The following RBM33 variants were observed in gnomAD, a reference collection of about 807,000 sequenced individuals.
The protein encoded by RBM33 is RNA-binding protein 33.
In RBM33, 28 loss-of-function variants were observed where a neutral mutation model predicts 132.6. The ratio of observed to expected loss-of-function variants is 0.21; its 90% confidence interval spans 0.16 to 0.29. The LOEUF (loss-of-function observed/expected upper bound fraction) is 0.29, where lower values mean the gene tolerates loss of function less well. RBM33 is among the 10% of genes least tolerant of loss of function. RBM33 has a pLI of 1.00. For missense variants in RBM33, 1,291 were observed against 1,518.5 expected, an observed-to-expected ratio of 0.85 and a Z score of 2.49; for synonymous variants, 634 against 593.0, an observed-to-expected ratio of 1.07 and a Z score of -1.01.
chr7:155,737,907 GA>G (rs1169295359), intron 10 of RBM33, among the ~76,000 whole-genome samples, 152 bp from the exon 11 acceptor site: 2 of 152,116 alleles, frequency 1.3e-5, no homozygotes, highest in African/African-American at 2.4e-5. Flanking sequence ...AAGCAATCTA[GA>G]AATAAGAGGC....
intron 5 of RBM33, among the ~76,000 whole-genome samples, chr7:155,692,388 T>G (rs1019000689): frequency 6.6e-6 from 1 of 152,158 alleles, no homozygotes; most frequent in Admixed American, 6.5e-5. Context: ...TGCCTGTCCT[T>G]TGTTCCGGAA....
chr7:155,700,464 T>G (rs1322254141), intron 5 of RBM33, among the ~76,000 whole-genome samples: 1 of 151,962 alleles, frequency 6.6e-6, no homozygotes, highest in Non-Finnish European at 1.5e-5. Flanking sequence ...CAGCAGGAAT[T>G]TTTGGAATTT....
In RBM33 at chr7:155,701,063, G is replaced by A. The variant is rs1181783204; in HGVS notation, c.739+119G>A. ...GACTAGGTAATTGCGGCTGCCGTCCGGAGAGTGGCCGGACTTTGGAGTGAG... is the reference window on the plus strand; with the variant it reads ...GACTAGGTAATTGCGGCTGCCGTCCAGAGAGTGGCCGGACTTTGGAGTGAG... On this transcript the variant is annotated intron_variant, in intron 6 of 17. Coordinates refer to ENST00000401878, the MANE Select transcript of RBM33 (RefSeq NM_053043.3). The A allele has an allele frequency of 5.5e-5, 47 of 859,086 alleles. 1 individual carries two copies. The highest frequency in any genetic ancestry group is 7.9e-5 in the Non-Finnish European group (41 of 517,268). The allele number at this position is 859,086 out of a possible 1,614,324, so 53.2% of individuals were successfully genotyped here.
In RBM33 at chr7:155,777,650, A is replaced by C. The variant is rs1432962936; in HGVS notation, c.*2609A>C. 3.9e-5 allele frequency: 6 copies of C among 152,822 alleles called. No homozygotes were observed. In the East Asian group the frequency reaches 1.2e-3, roughly 29 times the overall value. 9.5% of individuals were successfully genotyped at this position (152,822 alleles called of 1,614,324 possible). ...AAAATGAGATGCAAGAGCATTTAGC[A>C]TACCATGTAAATATGGACCTTTTAA... On this transcript the variant is annotated 3_prime_UTR_variant, in exon 18 of 18. Coordinates refer to ENST00000401878, the MANE Select transcript of RBM33 (RefSeq NM_053043.3).
intron 14 of RBM33, among the ~76,000 whole-genome samples, chr7:155,753,947 G>A (rs929450277): frequency 8.5e-5 from 13 of 152,238 alleles, no homozygotes; most frequent in African/African-American, 3.1e-4. Context: ...GTACAGTCTA[G>A]CATCTTCCTT....
intron 14 of RBM33, among the ~76,000 whole-genome samples, chr7:155,757,369 A>T (rs1337378927): frequency 6.6e-6 from 1 of 152,194 alleles, no homozygotes; most frequent in East Asian, 1.9e-4. Flanking sequence ...TTAGAAAAAA[A>T]AATTCATTTT....
At chr7:155,665,050 A>G (rs1471890100) in intron 1 of RBM33, 125 bp from the exon 2 acceptor site, 19 of 681,812 alleles carry the variant, frequency 2.8e-5, no homozygotes, top group South Asian at 5.6e-5. Context: ...ATAGTTACAT[A>G]TGAAACTTTT....
intron 9 of RBM33, among the ~76,000 whole-genome samples, chr7:155,736,782 A>G (rs1801139595): frequency 6.6e-6 from 1 of 152,264 alleles, no homozygotes; most frequent in Non-Finnish European, 1.5e-5. Context: ...GAGCATCTTT[A>G]AAAAGATAAA....
Position 155,774,355 on chromosome 7 carries a change from G to T in RBM33, c.3376-204G>T, listed in dbSNP as rs915345036. ...AGATGTAACTGTTGCTGTTGGGAATGATTTAGTAAAGCACTGTTTTGGAGT... is the reference window on the plus strand; with the variant it reads ...AGATGTAACTGTTGCTGTTGGGAATTATTTAGTAAAGCACTGTTTTGGAGT... On this transcript the variant is annotated intron_variant, in intron 16 of 17. Coordinates refer to ENST00000401878, the MANE Select transcript of RBM33 (RefSeq NM_053043.3). This position sits in a 1 kb window ranked among gnomAD's most constrained non-coding sequence, Gnocchi z 4.2. Among the ~76,000 whole-genome samples, 1 of 152,214 alleles carries T rather than the reference G, an allele frequency of 6.6e-6. No homozygotes were observed. Among genetic ancestry groups the T allele is most frequent in the Non-Finnish European group, 1.5e-5 (1 of 68,038 alleles).
chr7:155,688,290 T>G (rs1469532034), intron 5 of RBM33, among the ~76,000 whole-genome samples: 1 of 152,188 alleles, frequency 6.6e-6, no homozygotes, highest in Non-Finnish European at 1.5e-5. Context: ...CTGTTATTGG[T>G]GTATAAGAAT....
intron 2 of RBM33, among the ~76,000 whole-genome samples, chr7:155,667,333 G>A (rs1798826684): frequency 6.6e-6 from 1 of 152,038 alleles, no homozygotes; most frequent in South Asian, 2.1e-4. Flanking sequence ...TAGCAAGCAG[G>A]AACTCCTGGG....
At chr7:155,740,144 T>TAC in intron 12 of RBM33, 118 bp downstream of exon 12, 2 of 1,341,366 alleles carry the variant, frequency 1.5e-6, no homozygotes, top group Non-Finnish European at 2.0e-6. Flanking sequence ...GTTTATAAAA[T>TAC]GTGTAGTACA....
intron 14 of RBM33, among the ~76,000 whole-genome samples, chr7:155,763,039 A>G (rs1563181154): frequency 6.6e-6 from 1 of 152,214 alleles, no homozygotes; most frequent in African/African-American, 2.4e-5. Context: ...TATGAACAAC[A>G]TTGGTGGTGC....
At chr7:155,747,486 G>A (rs762878680) in intron 14 of RBM33, among the ~76,000 whole-genome samples, 25 of 152,104 alleles carry the variant, frequency 1.6e-4, no homozygotes, top group Non-Finnish European at 3.1e-4. Flanking sequence ...GGAAGTGAAG[G>A]GTCCAGTTTC....
chr7:155,761,631 T>G (rs2117064185), intron 14 of RBM33, among the ~76,000 whole-genome samples: 1 of 152,326 alleles, frequency 6.6e-6, no homozygotes, highest in Non-Finnish European at 1.5e-5. Context: ...CGGTGATCCC[T>G]CTTTGTTTCC....
At position 155,646,595 on chromosome 7, in the gene RBM33, T is replaced by G. The variant is rs147848647; in HGVS notation, c.43+1676T>G. On this transcript the variant is annotated intron_variant, in intron 1 of 17. Coordinates refer to ENST00000401878, the MANE Select transcript of RBM33 (RefSeq NM_053043.3). ...GCATGGACTGCTCCTGTACCCGCTC[T>G]TGCCAGGGCTGACTCCTGATCCAGT... 2.8e-3 allele frequency among the ~76,000 whole-genome samples: 426 copies of G among 152,338 alleles called. 2 individuals are homozygous for G. Among genetic ancestry groups the G allele is most frequent in the African/African-American group, 9.6e-3 (399 of 41,574 alleles).
intron 16 of RBM33, among the ~76,000 whole-genome samples, chr7:155,768,757 C>T (rs1441951546): frequency 2.6e-5 from 4 of 152,210 alleles, no homozygotes; most frequent in Non-Finnish European, 4.4e-5. Context: ...GCTGGGACTA[C>T]AGACGCGTGC....
intron 9 of RBM33, among the ~76,000 whole-genome samples, chr7:155,728,784 T>C (rs1424782225): frequency 6.6e-6 from 1 of 152,110 alleles, no homozygotes; most frequent in Non-Finnish European, 1.5e-5. Flanking sequence ...TCCCTCCCCA[T>C]TTGCTGTTCA....
chr7:155,766,829 C>T (rs558569005), intron 16 of RBM33, 174 bp downstream of exon 16: 30 of 651,820 alleles, frequency 4.6e-5, no homozygotes, highest in Admixed American at 2.9e-4. Context: ...TTGCCTCAAA[C>T]GTTTATTTTG....
Sources: allele counts gnomAD v4.1 joint callset (sites outside exome capture counted in the v4.1 genomes callset), GRCh38; gene constraint gnomAD v4.1.1; non-coding constraint Gnocchi (gnomAD v3.1); transcripts MANE v1.5; gene names NCBI Gene and HGNC (gene_info 2026-07-23, HGNC 2026-07-21).